ADGRE3: variants seen among roughly 807,000 people sequenced by gnomAD.
The protein encoded by ADGRE3 is EGF-like module receptor 3.
ADGRE3 carries 88 observed loss-of-function variants against 80.1 expected under a neutral mutation model. The ratio of observed to expected loss-of-function variants is 1.10; its 90% confidence interval spans 0.93 to 1.31. The LOEUF (loss-of-function observed/expected upper bound fraction) is 1.31, where lower values mean the gene tolerates loss of function less well. Ranked by LOEUF, ADGRE3 falls within the 40% of genes most tolerant of loss-of-function variation. The pLI is 0.00. For missense variants in ADGRE3, 715 were observed against 776.5 expected (o/e 0.92, Z 0.94); for synonymous variants, 281 against 294.8 (o/e 0.95, Z 0.48).
At chr19:14,639,553 C>T (rs531821815) in intron 10 of ADGRE3, among the ~76,000 whole-genome samples, 136 of 152,154 alleles carry the variant, frequency 8.9e-4, no homozygotes, top group African/African-American at 2.9e-3. Flanking sequence ...TACAGACGTG[C>T]ACCACTGTGT....
intron 14 of ADGRE3, among the ~76,000 whole-genome samples, chr19:14,626,119 T>TC (rs75121636): frequency 0.5 from 75,583 of 151,824 alleles, 19,177 homozygotes; most frequent in Non-Finnish European, 0.53. Flanking sequence ...GTAAACATTT[T>TC]CATTACAGGG....
In ADGRE3 at chr19:14,619,751, G is replaced by A. The variant is rs150301369; in HGVS notation, c.1921-280C>T. Among the ~76,000 whole-genome samples, 642 of 152,146 alleles carry A rather than the reference G, an allele frequency of 4.2e-3. 4 individuals are homozygous for A. Among genetic ancestry groups the A allele is most frequent in the African/African-American group, 0.014 (574 of 41,532 alleles). ...ATTTCAGCCCCCTGGATGTTTTTTT[G>A]TCTATGAAGAAAGGTTAGAGTCTTG... On this transcript the variant is annotated intron_variant, in intron 15 of 15. Coordinates refer to ENST00000253673, the MANE Select transcript of ADGRE3 (RefSeq NM_032571.5).
At position 14,623,304 on chromosome 19, in the gene ADGRE3, A is replaced by AAAAAAAAAT. The variant is rs1555753588; in HGVS notation, c.1920+2187_1920+2188insATTTTTTTT. Among the ~76,000 whole-genome samples the AAAAAAAAAT allele has an allele frequency of 3.1e-3, 85 of 27,482 alleles. 22 individuals are homozygous for AAAAAAAAAT. Among genetic ancestry groups the AAAAAAAAAT allele is most frequent in the African/African-American group, 0.012 (79 of 6,584 alleles). The allele number at this position is 27,482 out of a possible 152,430, so 18.0% of individuals were successfully genotyped here. ...AATACTTAAAAAAAAAAAAATAAAAAAAAAAAAAAATAAAACTCCTGGACT... is the reference window on the plus strand; with the variant it reads ...AATACTTAAAAAAAAAAAAATAAAAAAAAAAAAATAAAAAAAAAATAAAACTCCTGGACT... On this transcript the variant is annotated intron_variant, in intron 15 of 15. Coordinates refer to ENST00000253673, the MANE Select transcript of ADGRE3 (RefSeq NM_032571.5).
chr19:14,636,149 T>TCTTTCTTC (rs774422809), intron 11 of ADGRE3, among the ~76,000 whole-genome samples: 2 of 40,608 alleles, frequency 4.9e-5, no homozygotes, highest in East Asian at 7.9e-4. Context: ...TTTCTTTCTT[T>TCTTTCTTC]CTTCCTTTCC....
At chr19:14,666,638 G>A (rs984002908) in intron 2 of ADGRE3, among the ~76,000 whole-genome samples, 1 of 152,106 alleles carries the variant, frequency 6.6e-6, no homozygotes, top group Non-Finnish European at 1.5e-5. Flanking sequence ...CGGCCTCCCC[G>A]AGTGCTGGGA....
chr19:14,658,096 T>C (rs1169691217), intron 5 of ADGRE3, among the ~76,000 whole-genome samples: 3 of 152,036 alleles, frequency 2.0e-5, no homozygotes, highest in Non-Finnish European at 4.4e-5. Flanking sequence ...TCACATTTGG[T>C]TGAAAAATGT....
chr19:14,666,731 T>C (rs1972117674), intron 2 of ADGRE3, among the ~76,000 whole-genome samples: 1 of 152,134 alleles, frequency 6.6e-6, no homozygotes, highest in African/African-American at 2.4e-5. Context: ...AGCAAAATAG[T>C]CACCCACTAA....
At chr19:14,635,616 T>C (rs1419626238) in intron 11 of ADGRE3, among the ~76,000 whole-genome samples, 2 of 151,786 alleles carry the variant, frequency 1.3e-5, no homozygotes, top group African/African-American at 4.8e-5. Context: ...TTTCACTGTG[T>C]TGGCCAGGCT....
At chr19:14,629,739 C>T (rs1970826480) in intron 14 of ADGRE3, among the ~76,000 whole-genome samples, 1 of 149,304 alleles carries the variant, frequency 6.7e-6, no homozygotes, top group Admixed American at 6.6e-5. Context: ...GTGTTTAAAC[C>T]AATGAGATTT....
At chr19:14,604,824 T>A in the ADGRE3 span, among the ~76,000 whole-genome samples, 1 of 152,036 alleles carries the variant, frequency 6.6e-6, no homozygotes. Flanking sequence ...AAATCAAAAC[T>A]GCAAATAAAT....
intron 5 of ADGRE3, among the ~76,000 whole-genome samples, chr19:14,656,616 C>G (rs1971773812): frequency 6.6e-6 from 1 of 152,082 alleles, no homozygotes; most frequent in South Asian, 2.1e-4. Context: ...ATCTTGTCTG[C>G]TCCTTACTGT....
downstream of ADGRE3, among the ~76,000 whole-genome samples, chr19:14,617,377 C>CTTTCTCT (rs1491527496): frequency 4.6e-4 from 40 of 86,306 alleles, no homozygotes; most frequent in Non-Finnish European, 8.5e-4. Context: ...TTTCTTTCTT[C>CTTTCTCT]CTTTCTTTCT....
chr19:14,608,640 T>TC, the ADGRE3 span, among the ~76,000 whole-genome samples: 1 of 148,504 alleles, frequency 6.7e-6, no homozygotes, highest in African/African-American at 2.5e-5. Flanking sequence ...TTTTTTTTTT[T>TC]TTTTTTTTTT....
At chr19:14,639,552 G>A (rs1971189903) in intron 10 of ADGRE3, among the ~76,000 whole-genome samples, 1 of 151,884 alleles carries the variant, frequency 6.6e-6, no homozygotes, top group Non-Finnish European at 1.5e-5. Flanking sequence ...CTACAGACGT[G>A]CACCACTGTG....
chr19:14,616,019 C>T (rs1481646732), downstream of ADGRE3, among the ~76,000 whole-genome samples: 1 of 151,610 alleles, frequency 6.6e-6, no homozygotes, highest in Non-Finnish European at 1.5e-5. Flanking sequence ...GTAACCTCCG[C>T]CTCCCAGGTT....
chr19:14,661,149 C>T (rs568229649), intron 4 of ADGRE3, among the ~76,000 whole-genome samples: 2 of 152,168 alleles, frequency 1.3e-5, no homozygotes, highest in Non-Finnish European at 2.9e-5. Flanking sequence ...GCCATGTTGG[C>T]CATGCTGGTC....
intron 5 of ADGRE3, among the ~76,000 whole-genome samples, chr19:14,656,975 A>G (rs1971785910): frequency 6.6e-6 from 1 of 152,168 alleles, no homozygotes; most frequent in Non-Finnish European, 1.5e-5. Context: ...AGCTCACTGC[A>G]ACCTCTGCCT....
At chr19:14,636,746 C>T (rs1355292138) in intron 11 of ADGRE3, among the ~76,000 whole-genome samples, 3 of 152,028 alleles carry the variant, frequency 2.0e-5, no homozygotes, top group Non-Finnish European at 4.4e-5. Flanking sequence ...CACACAGATC[C>T]TAGATAACAG....
At chr19:14,627,416 T>G (rs1270263735) in intron 14 of ADGRE3, among the ~76,000 whole-genome samples, 1 of 152,224 alleles carries the variant, frequency 6.6e-6, no homozygotes, top group Non-Finnish European at 1.5e-5. Context: ...CTCGCTCTGT[T>G]GCTCAGGCTG....
Sources: gnomAD v4.1 joint callset for allele counts (sites outside exome capture counted in the v4.1 genomes callset) on GRCh38, gnomAD v4.1.1 for gene constraint, MANE v1.5 for transcripts, NCBI Gene and HGNC (gene_info 2026-07-23, HGNC 2026-07-21) for gene names.